SHCBP1L: variants seen among roughly 807,000 people sequenced by gnomAD.
SHCBP1L encodes the protein SHC binding and spindle associated 1 like.
A neutral mutation model predicts 62.5 loss-of-function variants in SHCBP1L; 67 were observed. That is an observed-to-expected ratio of 1.07 (90% CI 0.88 to 1.31). The LOEUF (loss-of-function observed/expected upper bound fraction) is 1.31, where lower values mean the gene tolerates loss of function less well. SHCBP1L is among the 40% of genes most tolerant of loss of function. SHCBP1L has a pLI of 0.00. For missense variants in SHCBP1L, 823 were observed against 809.8 expected (o/e 1.02, Z -0.20); for synonymous variants, 284 against 289.4 (o/e 0.98, Z 0.19).
chr1:182,936,839 A>G (rs969372776), intron 5 of SHCBP1L, among the ~76,000 whole-genome samples: 8 of 152,068 alleles, frequency 5.3e-5, no homozygotes, highest in African/African-American at 1.9e-4. Context: ...ACTTGAGCCC[A>G]GGAGTTTGAG....
rs763085527 is a variant in SHCBP1L, at chr1:182,903,066, T to G, written c.1683A>C (p.Lys561Asn). ...TCATATTAACTCCACCTAAGGTGCT[T>G]TTTGAACTGTTACTGGTTCTGAGGT... is the stretch of plus-strand genomic sequence containing the variant. ...CNNLRTSNSS[K>N]STLGGVNMKV... The change falls in exon 9 of 10, where the codon AAA becomes AAC. Residue 561 changes from lysine to asparagine, a missense_variant. Physicochemically the swap from Lys to Asn is moderately conservative, Grantham distance 94. Transcript: ENST00000367547. The G allele has an allele frequency of 1.3e-6, 2 of 1,596,944 alleles. No homozygotes were observed. Among genetic ancestry groups the G allele is most frequent in the Admixed American group, 3.5e-5 (2 of 57,544 alleles).
rs1162321867 is a variant in SHCBP1L, at chr1:182,900,162, G to A, written c.1783C>T (p.Leu595Phe). ...YSNKGYGVSI[L>F]QPMEQFFIVA... is the part of the protein sequence containing the mutation. Reference sequence around the variant, plus strand: ...ATAAAAAACTGTTCCATTGGTTGAAGAATGCTTACTCCATAGCCTTTGTTG... The same window carrying A: ...ATAAAAAACTGTTCCATTGGTTGAAAAATGCTTACTCCATAGCCTTTGTTG... The change falls in exon 10 of 10, where the codon CTT becomes TTT. Residue 595 changes from leucine to phenylalanine, a missense_variant. Physicochemically the swap from Leu to Phe is conservative, Grantham distance 22. Coordinates refer to ENST00000367547, the MANE Select transcript of SHCBP1L (RefSeq NM_030933.4). The A allele has an allele frequency of 1.2e-6, 2 of 1,612,292 alleles. No homozygotes were observed. Among genetic ancestry groups the A allele is most frequent in the South Asian group, 2.2e-5 (2 of 90,808 alleles).
At chr1:182,951,874 ACCAGG>A (rs1651754459) in intron 1 of SHCBP1L, 1 of 343,458 alleles carries the variant, frequency 2.9e-6, no homozygotes, top group Admixed American at 3.8e-5. Flanking sequence ...AAGTCATGCC[ACCAGG>A]CACGGTGGCT....
At chr1:182,937,004 T>C (rs890963236) in intron 5 of SHCBP1L, among the ~76,000 whole-genome samples, 2 of 152,036 alleles carry the variant, frequency 1.3e-5, no homozygotes, top group African/African-American at 4.8e-5. Context: ...CAGTGAGCCA[T>C]GATCACGTCA....
chr1:182,904,317 T>C lies in SHCBP1L; in HGVS notation c.1450A>G (p.Thr484Ala), dbSNP rs1649935022. ...LMHLSLIQQG[T>A]VDGIVVVESG... is the part of the protein sequence containing the mutation. ...TCCACCACCACGATACCATCAACCG[T>C]CCCTTGTTGTATCAAAGATAGATGC... Residue 484 changes from threonine (T) to alanine (A), a missense_variant, in exon 8 of 10, where the codon ACG (threonine) becomes GCG (alanine). Transcript: ENST00000367547. 1 of 1,614,056 alleles carries C rather than the reference T, an allele frequency of 6.2e-7. No homozygotes were observed. Among genetic ancestry groups the C allele is most frequent in the Non-Finnish European group, 8.5e-7 (1 of 1,179,988 alleles).
intron 6 of SHCBP1L, among the ~76,000 whole-genome samples, chr1:182,921,499 T>A (rs1650527150): frequency 2.0e-5 from 3 of 152,216 alleles, no homozygotes; most frequent in African/African-American, 7.2e-5. Flanking sequence ...CAGGATCAAA[T>A]CTGCACATAT....
At chr1:182,934,394 G>GT (rs1411500851) in intron 5 of SHCBP1L, among the ~76,000 whole-genome samples, 16 of 152,266 alleles carry the variant, frequency 1.1e-4, no homozygotes, top group African/African-American at 3.8e-4. Flanking sequence ...TAATAGGTAT[G>GT]TAATGGCATC....
chr1:182,912,528 T>A (rs1650221164), intron 6 of SHCBP1L, among the ~76,000 whole-genome samples: 1 of 131,318 alleles, frequency 7.6e-6, no homozygotes, highest in Admixed American at 7.2e-5. Context: ...GTAATATCAA[T>A]TTTTTTTTTT....
rs1250556497 is a variant in SHCBP1L, at chr1:182,929,708, C to A, written c.1121G>T (p.Gly374Val). The A allele has an allele frequency of 6.3e-7, 1 of 1,594,178 alleles. No homozygotes were observed. The change falls in exon 6 of 10, where the codon GGA becomes GTA. Residue 374 changes from glycine to valine, a missense_variant. By Grantham distance (109) the Gly-to-Val change is moderately radical. Transcript: ENST00000367547. ...TATAGTCTTTCCAAATTCTCTTTTT[C>A]CTTTCCTACGCCTCAGAATTCTTGG... ...FFPRILRRRKGKREFGKTITH... is the reference protein window; with the variant it reads ...FFPRILRRRKVKREFGKTITH...
chr1:182,948,593 C>T (rs138037718), intron 2 of SHCBP1L, among the ~76,000 whole-genome samples: 2 of 152,276 alleles, frequency 1.3e-5, no homozygotes, highest in East Asian at 3.9e-4. Flanking sequence ...CTTGCATACA[C>T]CTTGATTTTA....
intron 6 of SHCBP1L, among the ~76,000 whole-genome samples, chr1:182,917,963 G>C (rs1650404463): frequency 6.6e-6 from 1 of 151,644 alleles, no homozygotes; most frequent in South Asian, 2.1e-4. Context: ...GTCCTAGCCA[G>C]AGCAACTATG....
At chr1:182,906,091 C>A (rs1424963943) in intron 6 of SHCBP1L, among the ~76,000 whole-genome samples, 1 of 151,970 alleles carries the variant, frequency 6.6e-6, no homozygotes, top group Non-Finnish European at 1.5e-5. Flanking sequence ...CACACCACCA[C>A]GTCTGGCTAA....
chr1:182,920,542 T>G (rs1347696285), intron 6 of SHCBP1L, among the ~76,000 whole-genome samples: 2 of 152,180 alleles, frequency 1.3e-5, no homozygotes, highest in Admixed American at 6.5e-5. Flanking sequence ...ACAACCACAC[T>G]AATTCCCCAT....
At chr1:182,920,555 A>G (rs1267268656) in intron 6 of SHCBP1L, among the ~76,000 whole-genome samples, 2 of 152,210 alleles carry the variant, frequency 1.3e-5, no homozygotes, top group Non-Finnish European at 2.9e-5. Context: ...TTCCCCATCA[A>G]TGGTTCTTAA....
intron 6 of SHCBP1L, among the ~76,000 whole-genome samples, chr1:182,919,242 T>A (rs1289630773): frequency 6.6e-6 from 1 of 152,140 alleles, no homozygotes; most frequent in African/African-American, 2.4e-5. Context: ...GGCTAGGAAG[T>A]CTAAGGTCAA....
At chr1:182,906,932 C>T (rs1377917059) in intron 6 of SHCBP1L, among the ~76,000 whole-genome samples, 2 of 152,046 alleles carry the variant, frequency 1.3e-5, no homozygotes, top group Non-Finnish European at 2.9e-5. Flanking sequence ...ATCCTCCCAC[C>T]TCAGCCTCCT....
chr1:182,900,639 G>T (rs938390187), intron 9 of SHCBP1L, among the ~76,000 whole-genome samples: 21 of 152,094 alleles, frequency 1.4e-4, no homozygotes, highest in Non-Finnish European at 4.4e-5. Context: ...CAATATTTTG[G>T]CCAGGCTGGT....
intron 5 of SHCBP1L, among the ~76,000 whole-genome samples, chr1:182,931,156 C>T (rs1409151933): frequency 4.6e-5 from 7 of 152,034 alleles, no homozygotes; most frequent in Non-Finnish European, 8.8e-5. Context: ...CCAAAAGTTT[C>T]GTTAAACATT....
In SHCBP1L at chr1:182,899,895, G is replaced by T; in HGVS notation, c.*88C>A. 1 of 1,096,434 alleles carries T rather than the reference G, an allele frequency of 9.1e-7. No individual in the cohort carries two copies. The allele number at this position is 1,096,434 out of a possible 1,614,324, so 67.9% of individuals were successfully genotyped here. ...TTTAAATATTTTTTAATTAAGCTTT[G>T]AATTGAAACTACCATTTCAGTGGGG... On this transcript the variant is annotated 3_prime_UTR_variant, in exon 10 of 10. Transcript: ENST00000367547.
Sources: allele counts gnomAD v4.1 joint callset (sites outside exome capture counted in the v4.1 genomes callset), GRCh38; gene constraint gnomAD v4.1.1; transcripts MANE v1.5; gene names NCBI Gene and HGNC (gene_info 2026-07-23, HGNC 2026-07-21).